Variants in SMARCA2 observed in about 807,000 individuals in gnomAD.
SMARCA2 encodes the protein SWI/SNF related BAF chromatin remodeling complex subunit ATPase 2, also known as SWI/SNF-related matrix-associated actin-dependent regulator of chromatin subfamily A member 2.
A neutral mutation model predicts 199.8 loss-of-function variants in SMARCA2; 61 were observed. The ratio of observed to expected loss-of-function variants is 0.31; its 90% CI spans 0.25 to 0.38. The LOEUF is 0.38. SMARCA2 is among the 10% of genes least tolerant of loss of function. The pLI is 1.00. For synonymous variants in SMARCA2, 935 were observed against 732.0 expected (o/e 1.28, Z -4.48); for missense variants, 1,344 against 2,012.2 (o/e 0.67, Z 6.35).
intron 32 of SMARCA2, among the ~76,000 whole-genome samples, chr9:2,187,556 TA>T (rs1303629824): frequency 2.6e-5 from 4 of 152,158 alleles, no homozygotes; most frequent in Non-Finnish European, 5.9e-5. Flanking sequence ...CACGTGTCTA[TA>T]GTCCCAGCTA....
intron 1 of SMARCA2, among the ~76,000 whole-genome samples, chr9:2,028,566 G>A (rs1231219225): frequency 6.6e-6 from 1 of 152,146 alleles, no homozygotes; most frequent in Non-Finnish European, 1.5e-5. Context: ...ATGAGTCTTG[G>A]TTGGATACTT....
intron 27 of SMARCA2, among the ~76,000 whole-genome samples, chr9:2,155,932 C>G (rs575258623): frequency 6.6e-6 from 1 of 151,652 alleles, no homozygotes; most frequent in Admixed American, 6.6e-5. Context: ...GAATGAAATA[C>G]GAAACAGAGT....
chr9:2,130,154 T>C (rs982002451), intron 27 of SMARCA2, among the ~76,000 whole-genome samples: 1 of 152,208 alleles, frequency 6.6e-6, no homozygotes, highest in Non-Finnish European at 1.5e-5. Context: ...ATGCCCAGCC[T>C]GACAGATTCT....
intron 28 of SMARCA2, among the ~76,000 whole-genome samples, chr9:2,167,101 A>G (rs889293603): frequency 2.0e-5 from 3 of 152,200 alleles, no homozygotes; most frequent in South Asian, 2.1e-4. Flanking sequence ...ACATTTGCTT[A>G]TCTCTAGTGT....
chr9:2,105,341 G>A (rs1261236645), intron 23 of SMARCA2, among the ~76,000 whole-genome samples: 1 of 151,924 alleles, frequency 6.6e-6, no homozygotes, highest in Non-Finnish European at 1.5e-5. Flanking sequence ...TGCCACCCGG[G>A]TTCAGGTGAT....
intron 28 of SMARCA2, among the ~76,000 whole-genome samples, chr9:2,163,463 G>C (rs1193723119): frequency 3.3e-5 from 5 of 152,120 alleles, no homozygotes; most frequent in East Asian, 3.9e-4. Context: ...TGTAAACCAT[G>C]AATCAGTAAC....
chr9:2,192,460 G>C (rs1050050236), intron 33 of SMARCA2: 1 of 509,078 alleles, frequency 2.0e-6, no homozygotes, highest in Non-Finnish European at 3.5e-6. Flanking sequence ...AAGCCAAAGT[G>C]AAAGGGCACA....
chr9:2,124,972 G>C (rs146992136), intron 27 of SMARCA2, among the ~76,000 whole-genome samples: 2 of 152,170 alleles, frequency 1.3e-5, no homozygotes, highest in African/African-American at 4.8e-5. Flanking sequence ...GCTTTGGGGA[G>C]TTGTTCGTTT....
chr9:2,116,290 A>G (rs1303535758), intron 25 of SMARCA2, among the ~76,000 whole-genome samples: 1 of 152,204 alleles, frequency 6.6e-6, no homozygotes, highest in African/African-American at 2.4e-5. Context: ...CCTTTTTCCC[A>G]GGGTGGTAAA....
At chr9:2,190,660 G>A (rs1026062581) in intron 32 of SMARCA2, among the ~76,000 whole-genome samples, 4 of 152,038 alleles carry the variant, frequency 2.6e-5, no homozygotes, top group Admixed American at 2.0e-4. Flanking sequence ...CAGAGAGAGA[G>A]AAATGGATGT....
chr9:2,143,050 A>G (rs1824543377), intron 27 of SMARCA2, among the ~76,000 whole-genome samples: 1 of 152,186 alleles, frequency 6.6e-6, no homozygotes, highest in African/African-American at 2.4e-5. Context: ...AACTTATACA[A>G]GCAGAATTAA....
intron 5 of SMARCA2, among the ~76,000 whole-genome samples, chr9:2,053,468 T>G (rs550022288): frequency 6.6e-6 from 1 of 152,338 alleles, no homozygotes; most frequent in Admixed American, 6.5e-5. Flanking sequence ...TTGGCCCCCT[T>G]CTTTACTAGC....
At chr9:2,096,812 T>G (rs1323231155) in intron 20 of SMARCA2, 48 bp downstream of exon 20, 10 of 1,103,922 alleles carry the variant, frequency 9.1e-6, no homozygotes, top group Non-Finnish European at 1.4e-5. Context: ...GTATGTCTTC[T>G]CATGGCTGTG....
At chr9:2,138,681 T>G (rs1824322758) in intron 27 of SMARCA2, among the ~76,000 whole-genome samples, 1 of 152,182 alleles carries the variant, frequency 6.6e-6, no homozygotes, top group Non-Finnish European at 1.5e-5. Flanking sequence ...CTCTGCAACA[T>G]CTTGGATAAA....
rs1023527891 is a variant in SMARCA2 at position 2,161,802 on chromosome 9, G to A, written c.4098G>A (p.Lys1366=). Residue 1366 remains lysine, a synonymous_variant, in exon 28 of 34, where the codon AAG becomes AAA. Transcript: ENST00000349721. This position sits in a 1 kb window ranked among gnomAD's most constrained non-coding sequence, Gnocchi z 4.7. ...PAKEDVEKAK[K]RRGRPPAEKL... ...AAGAAGATGTGGAAAAAGCTAAGAAGAGAAGAGGCCGCCCTCCCGCTGAGA... is the reference window on the plus strand; with the variant it reads ...AAGAAGATGTGGAAAAAGCTAAGAAAAGAAGAGGCCGCCCTCCCGCTGAGA... 4 of 1,614,084 alleles carry A rather than the reference G, an allele frequency of 2.5e-6. No homozygotes were observed. The highest frequency in any genetic ancestry group is 3.4e-6 in the Non-Finnish European group (4 of 1,179,980).
At position 2,087,078 on chromosome 9, in the gene SMARCA2, G is replaced by C; in HGVS notation, c.2769+7G>C. 6.2e-7 allele frequency: 1 copy of C among 1,613,976 alleles called. No homozygotes were observed. Among genetic ancestry groups the C allele is most frequent in the Non-Finnish European group, 8.5e-7 (1 of 1,179,900 alleles). On this transcript the variant is annotated splice_region_variant and intron_variant, in intron 18 of 33. Transcript: ENST00000349721. ...TGCCATGACTGGTGAAAGGGTACTG[G>C]TCTGAGTTCTGTTTTTTCCACTGCA...
intron 25 of SMARCA2, among the ~76,000 whole-genome samples, chr9:2,117,722 G>A (rs1280375371): frequency 6.6e-6 from 1 of 152,198 alleles, no homozygotes; most frequent in Non-Finnish European, 1.5e-5. Context: ...CTGGGCCCGA[G>A]GGCTGCCAGG....
intron 19 of SMARCA2, among the ~76,000 whole-genome samples, chr9:2,096,114 T>C (rs1822264904): frequency 6.6e-6 from 1 of 152,200 alleles, no homozygotes; most frequent in South Asian, 2.1e-4. Context: ...CTCACTATGT[T>C]GTATCCTGCC....
intron 12 of SMARCA2, among the ~76,000 whole-genome samples, chr9:2,074,156 C>G (rs1206506835): frequency 6.6e-6 from 1 of 152,004 alleles, no homozygotes; most frequent in Non-Finnish European, 1.5e-5. Flanking sequence ...TACTTGTTAT[C>G]CAAAGAGAAG....
Sources: gnomAD v4.1 joint callset for allele counts (sites outside exome capture counted in the v4.1 genomes callset) on GRCh38, gnomAD v4.1.1 for gene constraint, Gnocchi (gnomAD v3.1) non-coding constraint, MANE v1.5 for transcripts, NCBI Gene and HGNC (gene_info 2026-07-23, HGNC 2026-07-21) for gene names.